The following NDUFA10 variants were observed in gnomAD, a reference collection of about 807,000 sequenced individuals.
NDUFA10 encodes the protein NADH dehydrogenase [ubiquinone] 1 alpha subcomplex subunit 10, mitochondrial.
A neutral mutation model predicts 47.8 loss-of-function variants in NDUFA10; 40 were observed. The observed-to-expected ratio is 0.84, with a 90% CI of 0.65 to 1.09. The LOEUF is 1.09. NDUFA10 is among the 50% of genes least tolerant of loss of function. NDUFA10 has a pLI of 0.00. For synonymous variants in NDUFA10, 183 were observed against 172.2 expected (o/e 1.06, Z -0.49); for missense variants, 413 against 451.1 (o/e 0.92, Z 0.76).
chr2:239,936,264 T>C (rs1443430152), intron 4 of NDUFA10, among the ~76,000 whole-genome samples: 1 of 152,180 alleles, frequency 6.6e-6, no homozygotes. Context: ...CTCTGCTGGC[T>C]TTCCTCAGGA....
intron 4 of NDUFA10, among the ~76,000 whole-genome samples, chr2:239,939,871 G>A (rs550678870): frequency 5.3e-5 from 8 of 152,328 alleles, no homozygotes; most frequent in Middle Eastern, 6.8e-3. Context: ...TCCTGGAACC[G>A]GCTGCAGTGC....
chr2:239,986,745 G>C (rs1696018146), intron 9 of NDUFA10, among the ~76,000 whole-genome samples: 1 of 152,182 alleles, frequency 6.6e-6, no homozygotes, highest in South Asian at 2.1e-4. Flanking sequence ...AAAATCAATG[G>C]ATGCTAAAAC....
rs112155444 is a variant in NDUFA10, at chr2:239,931,299, C to A, written c.295-35985G>T. On this transcript the variant is annotated intron_variant, in intron 4 of 5. Transcript: ENST00000419408. ...GGAGGTGCCCAGCACCCCTGGCATG[C>A]AGGCACCTCGCTCCAGCCCCTGCCC... 8.8e-3 allele frequency among the ~76,000 whole-genome samples: 1,339 copies of A among 152,288 alleles called. 22 individuals are homozygous for A. Among genetic ancestry groups the A allele is most frequent in the African/African-American group, 0.03 (1,266 of 41,554 alleles).
At chr2:239,984,614 C>T (rs573809051) in intron 9 of NDUFA10, among the ~76,000 whole-genome samples, 1 of 152,298 alleles carries the variant, frequency 6.6e-6, no homozygotes, top group East Asian at 1.9e-4. Flanking sequence ...GGTGAGCTCA[C>T]CATGTAACTG....
intron 8 of NDUFA10, among the ~76,000 whole-genome samples, chr2:240,004,020 A>G (rs1215634310): frequency 6.6e-6 from 1 of 152,182 alleles, no homozygotes; most frequent in Non-Finnish European, 1.5e-5. Context: ...AAGAAACTGA[A>G]TTCAACGGAC....
At chr2:239,964,319 C>A (rs1694976317) in intron 9 of NDUFA10, among the ~76,000 whole-genome samples, 1 of 152,016 alleles carries the variant, frequency 6.6e-6, no homozygotes, top group African/African-American at 2.4e-5. Context: ...TAATGTGGGG[C>A]CAGGTGCTGA....
chr2:239,994,459 C>A (rs1407772486), intron 8 of NDUFA10, among the ~76,000 whole-genome samples: 1 of 151,926 alleles, frequency 6.6e-6, no homozygotes, highest in Non-Finnish European at 1.5e-5. Flanking sequence ...CTCCCATCAC[C>A]CCCAGATGGG....
chr2:239,978,839 T>C (rs79346439), intron 9 of NDUFA10, among the ~76,000 whole-genome samples: 3,063 of 152,316 alleles, frequency 0.02, 114 homozygotes, highest in African/African-American at 0.07. Flanking sequence ...GAACCACCTG[T>C]AGGTGATTTG....
At chr2:239,901,665 C>T (rs1016591317) in intron 4 of NDUFA10, among the ~76,000 whole-genome samples, 2 of 151,756 alleles carry the variant, frequency 1.3e-5, no homozygotes, top group African/African-American at 4.8e-5. Flanking sequence ...AAGGCTATAG[C>T]TGACATAGAT....
chr2:240,000,358 T>G (rs1026444970), intron 8 of NDUFA10, among the ~76,000 whole-genome samples: 1 of 152,076 alleles, frequency 6.6e-6, no homozygotes, highest in Admixed American at 6.5e-5. Context: ...CGACTCCAGG[T>G]AGGCCCAGGC....
intron 9 of NDUFA10, among the ~76,000 whole-genome samples, chr2:239,981,029 G>C (rs1695752586): frequency 6.6e-6 from 1 of 152,244 alleles, no homozygotes; most frequent in Non-Finnish European, 1.5e-5. Context: ...AAGCAACAAA[G>C]GTGCCATCAA....
intron 8 of NDUFA10, among the ~76,000 whole-genome samples, chr2:240,002,015 C>A (rs1696740212): frequency 6.6e-6 from 1 of 152,140 alleles, no homozygotes; most frequent in Non-Finnish European, 1.5e-5. Context: ...TGCTTTACTT[C>A]CATCTCCTAG....
chr2:239,998,066 T>C (rs1044525255), intron 8 of NDUFA10, among the ~76,000 whole-genome samples: 3 of 152,182 alleles, frequency 2.0e-5, no homozygotes, highest in Non-Finnish European at 4.4e-5. Flanking sequence ...CACACACAAA[T>C]ATTTAAAGAC....
intron 4 of NDUFA10, 83 bp from the exon 5 acceptor site, chr2:240,014,943 C>A: frequency 6.3e-7 from 1 of 1,583,126 alleles, no homozygotes; most frequent in South Asian, 1.1e-5. Flanking sequence ...AATAAAAGGG[C>A]AAACATACAC....
In NDUFA10 at chr2:239,979,957, CG is replaced by C. The variant is rs78753210; in HGVS notation, c.999+10116del. On this transcript the variant is annotated intron_variant, in intron 9 of 9. Transcript: ENST00000252711. ...ACCATGTCCACCTGTTCCTGCCTTC[CG>C]GGGGGTGCCTGCTCCCCTACACCCC... Among the ~76,000 whole-genome samples the C allele has an allele frequency of 4.3e-3, 649 of 152,188 alleles. 13 individuals are homozygous for C. Among genetic ancestry groups the C allele is most frequent in the East Asian group, 0.042 (219 of 5,158 alleles).
intron 4 of NDUFA10, among the ~76,000 whole-genome samples, chr2:239,898,787 G>A (rs565641925): frequency 1.1e-4 from 16 of 152,344 alleles, no homozygotes; most frequent in Non-Finnish European, 1.9e-4. Flanking sequence ...TACACAGATG[G>A]GGCAAGGACC....
At position 239,945,667 on chromosome 2, in the gene NDUFA10, G is replaced by A. The variant is rs767908907; in HGVS notation, c.294+44407C>T. 6.6e-6 allele frequency among the ~76,000 whole-genome samples: 1 copy of A among 152,216 alleles called. No individual in the cohort carries two copies. The highest frequency in any genetic ancestry group is 1.5e-5 in the Non-Finnish European group (1 of 68,046). ...TCGATTGGCCCTGGGATGAAAACCA[G>A]CATGTCAGAGCAGAAGCATCTCCAG... On this transcript the variant is annotated intron_variant, in intron 4 of 5. Transcript: ENST00000419408. This position sits in a 1 kb window ranked among gnomAD's most constrained non-coding sequence, Gnocchi z 4.6.
chr2:239,930,038 T>C (rs1231386772), intron 4 of NDUFA10, among the ~76,000 whole-genome samples: 1 of 72,316 alleles, frequency 1.4e-5, no homozygotes, highest in African/African-American at 6.7e-5. Context: ...GCTCCTCCAC[T>C]GCCCCTGCTC....
intron 7 of NDUFA10, 52 bp downstream of exon 7, chr2:240,007,264 A>T (rs1345594951): frequency 7.5e-7 from 1 of 1,331,922 alleles, no homozygotes; most frequent in African/African-American, 1.4e-5. Context: ...CAAGAACCTT[A>T]CACATGAATC....
Sources: gnomAD v4.1 joint callset for allele counts (sites outside exome capture counted in the v4.1 genomes callset) on GRCh38, gnomAD v4.1.1 for gene constraint, Gnocchi (gnomAD v3.1) non-coding constraint, MANE v1.5 for transcripts, NCBI Gene and HGNC (gene_info 2026-07-23, HGNC 2026-07-21) for gene names.